ANXA10: variants seen among roughly 807,000 people sequenced by gnomAD.
ANXA10 encodes annexin 14.
ANXA10 carries 49 observed loss-of-function variants against 53.5 expected under a neutral mutation model. The ratio of observed to expected loss-of-function variants is 0.92; its 90% CI spans 0.73 to 1.16. The LOEUF (loss-of-function observed/expected upper bound fraction) is 1.16. Among genes scored for constraint, ANXA10 ranks in the 50% most tolerant of loss-of-function variants. The pLI, the probability that ANXA10 is intolerant of heterozygous loss-of-function variation, is 0.00. For synonymous variants in ANXA10, 131 were observed against 128.9 expected (o/e 1.02, Z -0.11); for missense variants, 393 against 394.4 (o/e 1.00, Z 0.03).
rs150281708 is a variant in ANXA10, at chr4:168,143,793, C to T, written c.195+4213C>T. Among the ~76,000 whole-genome samples, 368 of 152,184 alleles carry T rather than the reference C, an allele frequency of 2.4e-3. 2 individuals are homozygous for T. Among genetic ancestry groups the T allele is most frequent in the African/African-American group, 8.4e-3 (347 of 41,514 alleles). ...CATGGTTGGTTAAGCAATTTAGTGC[C>T]GGGGCTGACTTGCCCAAAAGTAAAA... On this transcript the variant is annotated intron_variant, in intron 3 of 11. Transcript: ENST00000359299.
chr4:168,145,566 G>A (rs756443731), intron 3 of ANXA10, among the ~76,000 whole-genome samples: 1 of 152,176 alleles, frequency 6.6e-6, no homozygotes, highest in Non-Finnish European at 1.5e-5. Flanking sequence ...TGCCTCGGTT[G>A]TAAGTTTTGC....
At chr4:168,095,130 T>G (rs1294621383) in intron 1 of ANXA10, among the ~76,000 whole-genome samples, 1 of 152,086 alleles carries the variant, frequency 6.6e-6, no homozygotes, top group Non-Finnish European at 1.5e-5. Context: ...CCCAGGTATC[T>G]CTACATCCCT....
chr4:168,099,257 A>C (rs1730601065), intron 1 of ANXA10, among the ~76,000 whole-genome samples: 1 of 152,136 alleles, frequency 6.6e-6, no homozygotes, highest in Admixed American at 6.6e-5. Context: ...ATATTGAATA[A>C]ATGTACATAT....
At chr4:168,117,935 ACTCC>A (rs34260585) in intron 1 of ANXA10, among the ~76,000 whole-genome samples, 15,772 of 146,162 alleles carry the variant, frequency 0.11, 1,150 homozygotes, top group African/African-American at 0.22. Context: ...TCACTCACTC[ACTCC>A]CTCCCTCCCT....
chr4:168,127,261 G>A (rs1731084034), intron 1 of ANXA10, among the ~76,000 whole-genome samples: 2 of 152,114 alleles, frequency 1.3e-5, no homozygotes, highest in African/African-American at 4.8e-5. Context: ...TTTTATAATT[G>A]TCAAGAGAGA....
Position 168,164,235 on chromosome 4 carries a change from T to C in ANXA10, c.347T>C (p.Leu116Pro), listed in dbSNP as rs1358623574. The change falls in exon 5 of 12, where the codon CTA becomes CCA. Residue 116 changes from leucine (L) to proline (P), a missense_variant. By Grantham distance (98) the Leu-to-Pro change is moderately conservative (BLOSUM62 -3). Coordinates refer to ENST00000359299, the MANE Select transcript of ANXA10 (RefSeq NM_007193.5). The part of the protein sequence containing the change: ...GTDENCLIEI[L>P]ASRTNGEIFQ... The stretch of plus-strand genomic sequence containing the variant: ...GATGAGAATTGCCTCATTGAAATAC[T>C]AGCTTCAAGAACAAATGGAGAAATT... The C allele has an allele frequency of 3.7e-6, 6 of 1,613,266 alleles. No individual in the cohort carries two copies. The East Asian group carries it at 1.3e-4, about 36-fold the overall frequency.
chr4:168,177,901 A>G lies in ANXA10; in HGVS notation c.546A>G (p.Glu182=). Reference sequence around the variant, plus strand: ...GGCTAATGTTCCAGGTCCTATGGGAAGCCTGTCAGCAGAAGACGGGGGAGC... The same window carrying G: ...GGCTAATGTTCCAGGTCCTATGGGAGGCCTGTCAGCAGAAGACGGGGGAGC... ...MAAQDAMVLW[E]ACQQKTGEHK... is the part of the protein sequence containing the mutation. The change falls in exon 8 of 12, where the codon GAA becomes GAG. Residue 182 remains glutamate (E), a synonymous_variant. Transcript: ENST00000359299. 1 of 1,614,148 alleles carries G rather than the reference A, an allele frequency of 6.2e-7. No homozygotes were observed. Among genetic ancestry groups the G allele is most frequent in the South Asian group, 1.1e-5 (1 of 91,076 alleles).
At position 168,164,277 on chromosome 4, in the gene ANXA10, C is replaced by T. The variant is rs759969335; in HGVS notation, c.389C>T (p.Ala130Val). 22 of 1,609,352 alleles carry T rather than the reference C, an allele frequency of 1.4e-5. No homozygotes were observed. The highest frequency in any genetic ancestry group is 1.9e-5 in the Non-Finnish European group (22 of 1,176,150). Residue 130 changes from alanine to valine, a missense_variant, in exon 5 of 12, where the codon GCC becomes GTC. Coordinates refer to ENST00000359299, the MANE Select transcript of ANXA10 (RefSeq NM_007193.5). ...TNGEIFQMRE[A>V]YCLQYSNNLQ... ...GGAGAAATTTTCCAGATGCGAGAAG[C>T]CTACTGCTTGCGTAAGGAAATATAC... is the stretch of plus-strand genomic sequence containing the variant.
At chr4:168,109,713 T>G (rs747291237) in intron 1 of ANXA10, among the ~76,000 whole-genome samples, 13 of 152,230 alleles carry the variant, frequency 8.5e-5, no homozygotes, top group Non-Finnish European at 1.3e-4. Flanking sequence ...TATAATTTCA[T>G]GATAATCAAT....
At chr4:168,132,065 A>G (rs2149470593) in intron 2 of ANXA10, among the ~76,000 whole-genome samples, 1 of 152,224 alleles carries the variant, frequency 6.6e-6, no homozygotes, top group South Asian at 2.1e-4. Flanking sequence ...AACAGTTTAA[A>G]GGTTCCTCAA....
At chr4:168,148,824 A>T (rs1731447980) in intron 3 of ANXA10, among the ~76,000 whole-genome samples, 1 of 152,170 alleles carries the variant, frequency 6.6e-6, no homozygotes, top group South Asian at 2.1e-4. Context: ...ATAACAAATA[A>T]ATGTTAAATT....
chr4:168,133,275 GA>G (rs1731184100), intron 2 of ANXA10, among the ~76,000 whole-genome samples: 1 of 152,036 alleles, frequency 6.6e-6, no homozygotes, highest in Admixed American at 6.6e-5. Context: ...TGTTGACCAT[GA>G]GTTTAATGTT....
intron 1 of ANXA10, among the ~76,000 whole-genome samples, chr4:168,118,174 T>C (rs1458998955): frequency 6.6e-6 from 1 of 151,846 alleles, no homozygotes; most frequent in Non-Finnish European, 1.5e-5. Context: ...TGTATAAGGA[T>C]TGAGGACTAT....
chr4:168,139,272 C>T (rs925064787), intron 2 of ANXA10, among the ~76,000 whole-genome samples: 2 of 152,074 alleles, frequency 1.3e-5, no homozygotes, highest in African/African-American at 4.8e-5. Flanking sequence ...CCTTCAATGC[C>T]TAGTTTAAAG....
At chr4:168,118,543 GT>G (rs200922498) in intron 1 of ANXA10, among the ~76,000 whole-genome samples, 2 of 152,024 alleles carry the variant, frequency 1.3e-5, no homozygotes, top group East Asian at 3.9e-4. Context: ...GTAGTGTTCT[GT>G]TTTTTTCTAA....
intron 8 of ANXA10, 43 bp downstream of exon 8, chr4:168,178,026 T>A (rs1036755980): frequency 6.4e-7 from 1 of 1,563,938 alleles, no homozygotes; most frequent in Admixed American, 1.7e-5. Context: ...TGACCAATTA[T>A]ATAACAAAAA....
chr4:168,174,305 C>T (rs1732075623), intron 6 of ANXA10, among the ~76,000 whole-genome samples: 1 of 152,240 alleles, frequency 6.6e-6, no homozygotes, highest in African/African-American at 2.4e-5. Context: ...CCCCTATTCA[C>T]CTGGAGTCTC....
intron 1 of ANXA10, among the ~76,000 whole-genome samples, chr4:168,110,238 T>C (rs1312878193): frequency 6.6e-6 from 1 of 151,918 alleles, no homozygotes; most frequent in Non-Finnish European, 1.5e-5. Flanking sequence ...TTTTAAAAAA[T>C]AAAAATAAAT....
chr4:168,180,421 C>A (rs987175311), intron 9 of ANXA10, among the ~76,000 whole-genome samples: 7 of 152,152 alleles, frequency 4.6e-5, no homozygotes, highest in Non-Finnish European at 7.4e-5. Flanking sequence ...CCACTATAGA[C>A]CCCTGCCACA....
Sources: allele counts gnomAD v4.1 joint callset (sites outside exome capture counted in the v4.1 genomes callset), GRCh38; gene constraint gnomAD v4.1.1; transcripts MANE v1.5; gene names NCBI Gene and HGNC (gene_info 2026-07-23, HGNC 2026-07-21).